Variants in ADCY1 observed in about 807,000 individuals in gnomAD.
ADCY1 encodes adenylate cyclase type 1.
A neutral mutation model predicts 105.4 loss-of-function variants in ADCY1; 28 were observed. The observed-to-expected ratio is 0.27, with a 90% CI of 0.20 to 0.36. The LOEUF is 0.36. ADCY1 is among the 10% of genes least tolerant of loss of function. The pLI is 1.00. For synonymous variants in ADCY1, 655 were observed against 623.8 expected (o/e 1.05, Z -0.75); for missense variants, 977 against 1,434.2 (o/e 0.68, Z 5.15).
intron 4 of ADCY1, among the ~76,000 whole-genome samples, chr7:45,641,338 A>T (rs921258528): frequency 2.6e-5 from 4 of 152,072 alleles, no homozygotes; most frequent in African/African-American, 9.7e-5. Flanking sequence ...CTGCTCCCAT[A>T]CCCCAGTTCT....
chr7:45,613,957 G>T (rs1793661563), intron 3 of ADCY1, among the ~76,000 whole-genome samples: 1 of 152,104 alleles, frequency 6.6e-6, no homozygotes, highest in Admixed American at 6.5e-5. Flanking sequence ...GACCTTCCCA[G>T]ACAATTAAAA....
chr7:45,640,229 C>T (rs1223206635), intron 4 of ADCY1, among the ~76,000 whole-genome samples: 1 of 152,166 alleles, frequency 6.6e-6, no homozygotes. Context: ...GAAATATCTA[C>T]AGCAGGAGAA....
intron 8 of ADCY1, 86 bp from the exon 9 acceptor site, chr7:45,677,783 G>T (rs868344275): frequency 7.1e-7 from 1 of 1,404,410 alleles, no homozygotes. Context: ...ACCCTGCAGC[G>T]GATCTGGCTG....
Position 45,715,140 on chromosome 7 carries a change from C to T in ADCY1, c.*1145C>T, listed in dbSNP as rs1422246509. 1.3e-5 allele frequency: 2 copies of T among 152,230 alleles called. No individual in the cohort carries two copies. The highest frequency in any genetic ancestry group is 2.9e-5 in the Non-Finnish European group (2 of 68,100). The allele number at this position is 152,230 out of a possible 1,614,324, so 9.4% of individuals were successfully genotyped here. ...GTCTGACAACCTCCTATGTGCATGTCTAAATAGTCACAATGAAGATGAAAA... is the reference window on the plus strand; with the variant it reads ...GTCTGACAACCTCCTATGTGCATGTTTAAATAGTCACAATGAAGATGAAAA... On this transcript the variant is annotated 3_prime_UTR_variant, in exon 20 of 20. Coordinates refer to ENST00000297323, the MANE Select transcript of ADCY1 (RefSeq NM_021116.4).
At chr7:45,646,104 TG>T (rs1794658037) in intron 4 of ADCY1, among the ~76,000 whole-genome samples, 1 of 151,876 alleles carries the variant, frequency 6.6e-6, no homozygotes, top group Non-Finnish European at 1.5e-5. Context: ...TGGGGACATT[TG>T]GGGGATGTTT....
rs545809320 is a variant in ADCY1, at chr7:45,679,751, C to A, written c.1941C>A (p.Phe647Leu). 1 of 1,614,218 alleles carries A rather than the reference C, an allele frequency of 6.2e-7. No individual in the cohort carries two copies. The highest frequency in any genetic ancestry group is 1.7e-5 in the Admixed American group (1 of 60,032). Residue 647 changes from phenylalanine to leucine, a missense_variant, in exon 11 of 20, where the codon TTC becomes TTA. Phe to Leu is a conservative substitution (Grantham distance 22). This residue lies in a region of ADCY1 where 275 missense variants were observed against 362.1 expected (regional missense o/e 0.76). Coordinates refer to ENST00000297323, the MANE Select transcript of ADCY1 (RefSeq NM_021116.4). Reference protein sequence around the residue: ...VLLLLVFCICFLVACVLYLHI... With the variant: ...VLLLLVFCICLLVACVLYLHI... ...TCCTGCTAGTATTCTGCATCTGCTT[C>A]CTGGTGGCCTGTGTCCTGTACCTGC...
At chr7:45,683,028 C>T (rs559046469) in intron 11 of ADCY1, among the ~76,000 whole-genome samples, 346 of 152,166 alleles carry the variant, frequency 2.3e-3, no homozygotes, top group Non-Finnish European at 3.7e-3. Context: ...CATCATCTCC[C>T]GAAGTGCCAC....
At chr7:45,605,048 A>G (rs139019157) in intron 2 of ADCY1, among the ~76,000 whole-genome samples, 32 of 152,302 alleles carry the variant, frequency 2.1e-4, no homozygotes, top group African/African-American at 6.5e-4. Flanking sequence ...ATGTTTTGTT[A>G]GATTTACACC....
intron 14 of ADCY1, among the ~76,000 whole-genome samples, chr7:45,701,058 A>G (rs545578171): frequency 1.3e-5 from 2 of 152,388 alleles, no homozygotes; most frequent in Admixed American, 6.5e-5. Flanking sequence ...AAACTGTGCC[A>G]TAAAGAGAAC....
chr7:45,627,442 G>C (rs1017371851), intron 4 of ADCY1, among the ~76,000 whole-genome samples: 4 of 152,230 alleles, frequency 2.6e-5, no homozygotes, highest in African/African-American at 9.6e-5. Context: ...GGGTTGGCCT[G>C]TGGACAGCCC....
intron 2 of ADCY1, 83 bp downstream of exon 2, chr7:45,592,991 T>G: frequency 1.9e-6 from 3 of 1,562,812 alleles, no homozygotes; most frequent in East Asian, 2.3e-5. Context: ...GAGCCTCAGT[T>G]TACCCCGTGG....
rs374088946 is a variant in ADCY1, at chr7:45,637,639, C to T, written c.1021-11031C>T. Among the ~76,000 whole-genome samples, 130 of 152,278 alleles carry T rather than the reference C, an allele frequency of 8.5e-4. 5 individuals carry two copies. In the South Asian group the frequency reaches 0.025, roughly 29 times the overall value. The stretch of plus-strand genomic sequence containing the variant: ...ATTTGGGAGGCTGAGGCAGGAGGAT[C>T]GCTTGAGCCCAGGAGTTTGAGACTG... On this transcript the variant is annotated intron_variant, in intron 4 of 19. Transcript: ENST00000297323.
At chr7:45,631,724 A>G (rs1225780570) in intron 4 of ADCY1, among the ~76,000 whole-genome samples, 1 of 152,254 alleles carries the variant, frequency 6.6e-6, no homozygotes, top group African/African-American at 2.4e-5. Context: ...ACAAATACAC[A>G]TTGTCCTAAG....
intron 1 of ADCY1, among the ~76,000 whole-genome samples, chr7:45,576,418 G>C (rs993419144): frequency 6.6e-6 from 1 of 152,134 alleles, no homozygotes; most frequent in Non-Finnish European, 1.5e-5. Flanking sequence ...TAGGGTCAGA[G>C]AGAGACCACC....
intron 1 of ADCY1, among the ~76,000 whole-genome samples, chr7:45,585,953 T>G (rs1185675763): frequency 6.6e-6 from 1 of 152,098 alleles, no homozygotes; most frequent in Non-Finnish European, 1.5e-5. Context: ...ATGGTCACCG[T>G]GTCATTCATT....
At position 45,686,108 on chromosome 7, in the gene ADCY1, G is replaced by A. The variant is rs1221446748; in HGVS notation, c.2220G>A (p.Pro740=). 14 of 1,613,934 alleles carry A rather than the reference G, an allele frequency of 8.7e-6. No homozygotes were observed. The highest frequency in any genetic ancestry group is 2.2e-5 in the South Asian group (2 of 91,066). ...ALLCCLVGTL[P]LAIFFRVSSL... ...TCTGCTGCCTGGTGGGCACCCTCCCGCTAGCCATATTTTTCCGGGTGTCCT... is the reference window on the plus strand; with the variant it reads ...TCTGCTGCCTGGTGGGCACCCTCCCACTAGCCATATTTTTCCGGGTGTCCT... The change falls in exon 13 of 20, where the codon CCG becomes CCA. Residue 740 remains proline, a synonymous_variant. Coordinates refer to ENST00000297323, the MANE Select transcript of ADCY1 (RefSeq NM_021116.4). The surrounding 1 kb of genome is among the most constrained non-coding windows in gnomAD (Gnocchi z 4.3).
intron 8 of ADCY1, among the ~76,000 whole-genome samples, chr7:45,664,027 A>G (rs1479615784): frequency 6.6e-6 from 1 of 152,030 alleles, no homozygotes; most frequent in Non-Finnish European, 1.5e-5. Context: ...CATAGGGGTA[A>G]GGGGATTGTG....
In ADCY1 at chr7:45,704,538, C is replaced by T. The variant is rs138777362; in HGVS notation, c.2739C>T (p.Tyr913=). The change falls in exon 17 of 20, where the codon TAC becomes TAT. Residue 913 remains tyrosine, a synonymous_variant. Coordinates refer to ENST00000297323, the MANE Select transcript of ADCY1 (RefSeq NM_021116.4). ...CAAAGCTCATGGAAAAAGACTTTTA[C>T]AAGGACATAGAGAAGATCAAGACCA... The part of the protein sequence containing the change: ...DFDELMEKDF[Y]KDIEKIKTIG... The T allele has an allele frequency of 9.4e-5, 151 of 1,614,110 alleles. No individual in the cohort carries two copies. Among genetic ancestry groups the T allele is most frequent in the Middle Eastern group, 8.3e-4 (5 of 6,060 alleles).
intron 8 of ADCY1, among the ~76,000 whole-genome samples, chr7:45,675,300 CTTTT>C (rs1226570657): frequency 2.6e-5 from 4 of 152,118 alleles, no homozygotes; most frequent in Non-Finnish European, 4.4e-5. Context: ...AACTTTACCT[CTTTT>C]TCAGTCCCTT....
Sources: gnomAD v4.1 joint callset for allele counts (sites outside exome capture counted in the v4.1 genomes callset) on GRCh38, gnomAD v4.1.1 for gene constraint, gnomAD v4.1.1 regional missense constraint, Gnocchi (gnomAD v3.1) non-coding constraint, MANE v1.5 for transcripts, NCBI Gene and HGNC (gene_info 2026-07-23, HGNC 2026-07-21) for gene names.